The following FANCA variants were observed in gnomAD, a reference collection of about 807,000 sequenced individuals.
FANCA encodes Fanconi anemia group A protein.
FANCA carries 236 observed loss-of-function variants against 194.3 expected under a neutral mutation model. The ratio of observed to expected loss-of-function variants is 1.21; its 90% CI spans 1.09 to 1.35. The LOEUF (loss-of-function observed/expected upper bound fraction) is 1.35. FANCA is among the 40% of genes most tolerant of loss of function. The probability of loss-of-function intolerance (pLI) is 0.00; values close to 1 mark genes in which losing one functional copy is unlikely to be tolerated. For missense variants in FANCA, 2,628 were observed against 1,813.9 expected, an observed-to-expected ratio of 1.45 and a Z score of -8.15; for synonymous variants, 1,014 against 715.8, an observed-to-expected ratio of 1.42 and a Z score of -6.65.
intron 20 of FANCA, among the ~76,000 whole-genome samples, chr16:89,777,823 C>T (rs542090628): frequency 6.6e-6 from 1 of 152,124 alleles, no homozygotes; most frequent in South Asian, 2.1e-4. Context: ...TCCTTCAGTT[C>T]TCCTCTCTGC....
At chr16:89,800,752 C>T (rs1020806834) in intron 8 of FANCA, among the ~76,000 whole-genome samples, 1 of 152,144 alleles carries the variant, frequency 6.6e-6, no homozygotes, top group African/African-American at 2.4e-5. Flanking sequence ...AGAAACAGGC[C>T]GGGAACTGTG....
At chr16:89,791,185 C>A (rs888978902) in intron 14 of FANCA, 1 of 620,208 alleles carries the variant, frequency 1.6e-6, no homozygotes, top group Non-Finnish European at 2.8e-6. Flanking sequence ...AGAACCCAGG[C>A]TCCTCGGAAC....
intron 23 of FANCA, among the ~76,000 whole-genome samples, chr16:89,771,034 G>C (rs1169366182): frequency 6.6e-6 from 1 of 151,936 alleles, no homozygotes; most frequent in African/African-American, 2.4e-5. Flanking sequence ...GCGTAGTGGT[G>C]TGCACCTGTA....
At chr16:89,805,497 T>C in intron 6 of FANCA, 105 bp from the exon 7 acceptor site, 1 of 806,704 alleles carries the variant, frequency 1.2e-6, no homozygotes, top group Admixed American at 2.0e-5. Context: ...AGTTTTTTGC[T>C]GTCACTGAGG....
intron 28 of FANCA, 49 bp from the exon 29 acceptor site, chr16:89,762,071 T>A (rs1395051192): frequency 7.0e-7 from 1 of 1,421,322 alleles, no homozygotes; most frequent in Non-Finnish European, 1.0e-6. Flanking sequence ...GAACACACAA[T>A]CCACCGACAG....
intron 30 of FANCA, among the ~76,000 whole-genome samples, chr16:89,755,417 C>A (rs1031364004): frequency 2.6e-5 from 4 of 151,844 alleles, no homozygotes; most frequent in African/African-American, 9.7e-5. Context: ...GTTGGCCAGG[C>A]TGGTCTCGAA....
chr16:89,738,384 G>T lies in FANCA; in HGVS notation c.*217C>A, dbSNP rs1193486928. 1.4e-6 allele frequency: 2 copies of T among 1,403,946 alleles called. No homozygotes were observed. Among genetic ancestry groups the T allele is most frequent in the Non-Finnish European group, 1.9e-6 (2 of 1,046,916 alleles). The allele number at this position is 1,403,946 out of a possible 1,614,324, so 87.0% of individuals were successfully genotyped here. A position where few individuals can be genotyped will look rare whatever the true frequency, so the allele number is the denominator to read the frequency against. On this transcript the variant is annotated 3_prime_UTR_variant, in exon 43 of 43. Transcript: ENST00000389301. ...GTGCTGGAGGCGGGCTTGGTGTCCG[G>T]CTCAAGTAGCCTTCCTCTGCTCTGG...
At chr16:89,787,376 A>G (rs2143495642) in intron 14 of FANCA, among the ~76,000 whole-genome samples, 1 of 152,250 alleles carries the variant, frequency 6.6e-6, no homozygotes, top group South Asian at 2.1e-4. Flanking sequence ...ACAAAAAATT[A>G]GCCGTGTGTG....
chr16:89,746,062 G>T (rs1269525786), intron 35 of FANCA, among the ~76,000 whole-genome samples: 3 of 152,140 alleles, frequency 2.0e-5, no homozygotes, highest in African/African-American at 7.2e-5. Context: ...TAAGTGAGCC[G>T]CCAGGGAAGT....
intron 14 of FANCA, among the ~76,000 whole-genome samples, chr16:89,787,245 C>T (rs1234944183): frequency 1.3e-5 from 2 of 152,040 alleles, no homozygotes; most frequent in Non-Finnish European, 2.9e-5. Context: ...CCAGGACGGC[C>T]GGGCGCGGTG....
chr16:89,799,078 C>T (rs1363655440), intron 10 of FANCA, 88 bp downstream of exon 10: 3 of 1,614,232 alleles, frequency 1.9e-6, no homozygotes, highest in South Asian at 1.1e-5. Context: ...GCTGCTGAAG[C>T]TCTGGAAGTG....
chr16:89,792,677 G>C (rs997211612), intron 11 of FANCA, 130 bp from the exon 12 acceptor site: 1 of 742,674 alleles, frequency 1.3e-6, no homozygotes, highest in Non-Finnish European at 2.4e-6. Context: ...TAGAAAGAAA[G>C]ATACAAGACA....
chr16:89,799,331 C>T (rs2040359747), intron 9 of FANCA, 99 bp from the exon 10 acceptor site: 4 of 1,372,336 alleles, frequency 2.9e-6, no homozygotes, highest in Non-Finnish European at 4.1e-6. Context: ...TCCACTTCAA[C>T]CCCCCAGAGG....
At position 89,771,733 on chromosome 16, in the gene FANCA, A is replaced by G. The variant is rs752652496; in HGVS notation, c.2096T>C (p.Ile699Thr). The change falls in exon 23 of 43, where the codon ATA becomes ACA. Residue 699 changes from isoleucine to threonine, a missense_variant. Ile to Thr is a moderately conservative substitution (Grantham distance 89). Transcript: ENST00000389301. ...GTTGATGCTGAGCTGAATCTTTGAT[A>G]TCTCAACGCTGCTGTCATCCTCATT... ...GHNEDDSSVEISKIQLSINTP... is the reference protein window; with the variant it reads ...GHNEDDSSVETSKIQLSINTP... 6.2e-7 allele frequency: 1 copy of G among 1,614,124 alleles called. No individual in the cohort carries two copies.
intron 36 of FANCA, 93 bp downstream of exon 36, chr16:89,744,866 C>A: frequency 8.4e-7 from 1 of 1,197,558 alleles, no homozygotes; most frequent in Non-Finnish European, 1.2e-6. Flanking sequence ...CACACCGCTT[C>A]TCTCAAGCAA....
At chr16:89,773,134 G>A (rs954166742) in intron 22 of FANCA, 137 bp downstream of exon 22, 38 of 734,688 alleles carry the variant, frequency 5.2e-5, no homozygotes, top group African/African-American at 3.8e-4. Flanking sequence ...CCGCCAGCCC[G>A]GGGTCAATCT....
chr16:89,793,554 C>T (rs917216327), intron 11 of FANCA, among the ~76,000 whole-genome samples: 2 of 152,088 alleles, frequency 1.3e-5, no homozygotes, highest in African/African-American at 2.4e-5. Context: ...TAGAACAGCT[C>T]GTGTCCTCGG....
At chr16:89,777,997 A>G (rs968031351) in intron 20 of FANCA, among the ~76,000 whole-genome samples, 8 of 152,020 alleles carry the variant, frequency 5.3e-5, no homozygotes, top group Non-Finnish European at 1.2e-4. Flanking sequence ...CCCCGTCTCT[A>G]CTAAAAATAC....
intron 27 of FANCA, among the ~76,000 whole-genome samples, chr16:89,766,255 A>C (rs1244998737): frequency 6.6e-6 from 1 of 151,246 alleles, no homozygotes; most frequent in Non-Finnish European, 1.5e-5. Flanking sequence ...TCGGCCTCCC[A>C]AAGTGTTGGG....
Sources: gnomAD v4.1 joint callset for allele counts (sites outside exome capture counted in the v4.1 genomes callset) on GRCh38, gnomAD v4.1.1 for gene constraint, MANE v1.5 for transcripts, NCBI Gene and HGNC (gene_info 2026-07-23, HGNC 2026-07-21) for gene names.